IL2RB: variants seen among roughly 807,000 people sequenced by gnomAD.
IL2RB encodes the protein interleukin 2 receptor subunit beta, also known as interleukin-2 receptor subunit beta.
In IL2RB, 17 loss-of-function variants were observed where a neutral mutation model predicts 44.2. The ratio of observed to expected loss-of-function variants is 0.38; its 90% CI spans 0.26 to 0.58. The LOEUF (loss-of-function observed/expected upper bound fraction) is 0.58. Ranked by LOEUF, IL2RB falls within the 20% of genes least tolerant of loss-of-function variation. The pLI, the probability that IL2RB is intolerant of heterozygous loss-of-function variation, is 0.63. For synonymous variants in IL2RB, 286 were observed against 297.9 expected, an observed-to-expected ratio of 0.96 and a Z score of 0.41; for missense variants, 624 against 685.5, an observed-to-expected ratio of 0.91 and a Z score of 1.00.
intron 1 of IL2RB, among the ~76,000 whole-genome samples, chr22:37,164,361 A>G (rs768243677): frequency 5.4e-4 from 82 of 151,842 alleles, no homozygotes; most frequent in Non-Finnish European, 9.9e-4. Context: ...GATCGGGAGG[A>G]TGTGGTCAGC....
intron 1 of IL2RB, among the ~76,000 whole-genome samples, chr22:37,162,641 A>G (rs1922920224): frequency 1.3e-5 from 2 of 152,130 alleles, no homozygotes; most frequent in Non-Finnish European, 2.9e-5. Flanking sequence ...TGAAGCCTCT[A>G]CCACACGGAG....
Position 37,143,505 on chromosome 22 carries a change from T to C in IL2RB, c.203+16A>G. On this transcript the variant is annotated intron_variant, in intron 3 of 9. Coordinates refer to ENST00000216223, the MANE Select transcript of IL2RB (RefSeq NM_000878.5). ...CCCACCATCCTAAGATTCTGCAGTG[T>C]GGCCAGTGGACTCACCGTCTGTCCG... 6.6e-7 allele frequency: 1 copy of C among 1,524,388 alleles called. No individual in the cohort carries two copies. The highest frequency in any genetic ancestry group is 9.1e-7 in the Non-Finnish European group (1 of 1,098,512). 94.4% of individuals were successfully genotyped at this position (1,524,388 alleles called of 1,614,324 possible). A position where few individuals can be genotyped will look rare whatever the true frequency, so the allele number is the denominator to read the frequency against.
intron 1 of IL2RB, among the ~76,000 whole-genome samples, chr22:37,158,715 G>A (rs1922762115): frequency 6.6e-6 from 1 of 152,214 alleles, no homozygotes; most frequent in South Asian, 2.1e-4. Context: ...GCATGAGTGT[G>A]GCATACGTCT....
intron 4 of IL2RB, among the ~76,000 whole-genome samples, chr22:37,140,956 G>A (rs1398468112): frequency 6.6e-6 from 1 of 152,148 alleles, no homozygotes; most frequent in Non-Finnish European, 1.5e-5. Context: ...GACCCATGGG[G>A]CTGTAGGTGA....
intron 9 of IL2RB, among the ~76,000 whole-genome samples, chr22:37,130,580 G>A (rs1921376361): frequency 6.6e-6 from 1 of 152,128 alleles, no homozygotes; most frequent in Non-Finnish European, 1.5e-5. Flanking sequence ...TCTTCCTCAG[G>A]ACCCCGCTCC....
At position 37,146,759 on chromosome 22, in the gene IL2RB, T is replaced by G. The variant is rs145569644; in HGVS notation, c.-33-2554A>C. On this transcript the variant is annotated intron_variant, in intron 1 of 9. Coordinates refer to ENST00000216223, the MANE Select transcript of IL2RB (RefSeq NM_000878.5). The stretch of plus-strand genomic sequence containing the variant: ...GCTGAGCACAGGGCCGGGCACACAG[T>G]CGGTGCTCAATAAATGTAGTGAAAT... Among the ~76,000 whole-genome samples the G allele has an allele frequency of 4.5e-3, 685 of 151,858 alleles. 3 individuals carry two copies. Among genetic ancestry groups the G allele is most frequent in the African/African-American group, 0.016 (666 of 41,366 alleles).
chr22:37,148,037 A>C (rs2146251211), intron 1 of IL2RB, among the ~76,000 whole-genome samples: 1 of 152,244 alleles, frequency 6.6e-6, no homozygotes, highest in East Asian at 1.9e-4. Context: ...CAGGAACTGC[A>C]GAGAGCCCCA....
intron 3 of IL2RB, chr22:37,142,882 A>C: frequency 2.7e-6 from 1 of 365,092 alleles, no homozygotes; most frequent in Non-Finnish European, 5.3e-6. Context: ...ACCCACCCAG[A>C]AGCCAGGGCC....
At chr22:37,167,350 C>G (rs981948856) in intron 1 of IL2RB, among the ~76,000 whole-genome samples, 1 of 152,218 alleles carries the variant, frequency 6.6e-6, no homozygotes, top group Non-Finnish European at 1.5e-5. Context: ...GTCCCACCAT[C>G]TCTCTGCCTC....
At chr22:37,134,610 AAAAT>A (rs1921593371) in intron 8 of IL2RB, among the ~76,000 whole-genome samples, 1 of 152,338 alleles carries the variant, frequency 6.6e-6, no homozygotes, top group South Asian at 2.1e-4. Flanking sequence ...TATCTCACAA[AAAAT>A]AAATAAATAA....
chr22:37,130,166 T>C lies in IL2RB; in HGVS notation c.904-1318A>G, dbSNP rs146354463. Among the ~76,000 whole-genome samples the C allele has an allele frequency of 3.7e-4, 57 of 152,356 alleles. No individual in the cohort carries two copies. The East Asian group carries it at 0.01, about 28-fold the overall frequency. The stretch of plus-strand genomic sequence containing the variant: ...AGAGGCAGAAAGGATAAACTGAGGA[T>C]GGCAAAGAGGGTCGCTGGCTGGGCA... On this transcript the variant is annotated intron_variant, in intron 9 of 9. Coordinates refer to ENST00000216223, the MANE Select transcript of IL2RB (RefSeq NM_000878.5).
intron 1 of IL2RB, among the ~76,000 whole-genome samples, chr22:37,164,114 A>G (rs1922979425): frequency 6.6e-6 from 1 of 152,196 alleles, no homozygotes; most frequent in Non-Finnish European, 1.5e-5. Context: ...CGGCCTGCAG[A>G]GCAGAGCGGA....
At chr22:37,143,447 G>T in intron 3 of IL2RB, 74 bp downstream of exon 3, 4 of 980,288 alleles carry the variant, frequency 4.1e-6, no homozygotes, top group East Asian at 2.4e-5. Context: ...TTGACTCCTT[G>T]GAGTCCAGTG....
chr22:37,136,496 C>T, intron 6 of IL2RB, 103 bp from the exon 7 acceptor site: 7 of 1,301,920 alleles, frequency 5.4e-6, no homozygotes, highest in Admixed American at 2.2e-5. Flanking sequence ...AGCTGCACCC[C>T]CACTTCCTTG....
upstream of IL2RB, among the ~76,000 whole-genome samples, chr22:37,154,508 T>C (rs1352630896): frequency 6.6e-6 from 1 of 151,832 alleles, no homozygotes; most frequent in African/African-American, 2.4e-5. Flanking sequence ...ATTCTACTTC[T>C]AGGCCTAAAA....
At chr22:37,174,265 A>T (rs565134258) in intron 1 of IL2RB, among the ~76,000 whole-genome samples, 101 of 152,206 alleles carry the variant, frequency 6.6e-4, no homozygotes, top group Non-Finnish European at 1.3e-3. Context: ...ATGAAGCTGA[A>T]GGCCAAGGGA....
At chr22:37,155,859 G>A (rs1922662746) in intron 1 of IL2RB, among the ~76,000 whole-genome samples, 1 of 152,182 alleles carries the variant, frequency 6.6e-6, no homozygotes, top group Non-Finnish European at 1.5e-5. Context: ...GGTCCCACTG[G>A]GAACAAACCG....
chr22:37,168,866 G>A (rs560897757), intron 1 of IL2RB, among the ~76,000 whole-genome samples: 1 of 152,236 alleles, frequency 6.6e-6, no homozygotes. Context: ...GAGGGGCACT[G>A]CTTATATAGG....
At chr22:37,169,283 G>A (rs1923191638) in intron 1 of IL2RB, among the ~76,000 whole-genome samples, 1 of 147,056 alleles carries the variant, frequency 6.8e-6, no homozygotes, top group Non-Finnish European at 1.5e-5. Flanking sequence ...GCTTACAGAT[G>A]GATTCTGTTT....
Sources: gnomAD v4.1 joint callset for allele counts (sites outside exome capture counted in the v4.1 genomes callset) on GRCh38, gnomAD v4.1.1 for gene constraint, MANE v1.5 for transcripts, NCBI Gene and HGNC (gene_info 2026-07-23, HGNC 2026-07-21) for gene names.